The following FGF14 variants were observed in gnomAD, a reference collection of about 807,000 sequenced individuals.
FGF14 encodes fibroblast growth factor homologous factor 4.
A neutral mutation model predicts 25.5 loss-of-function variants in FGF14; 5 were observed. The observed-to-expected ratio is 0.20, with a 90% CI of 0.10 to 0.41. FGF14 has a LOEUF of 0.41. Ranked by LOEUF, FGF14 falls within the 10% of genes least tolerant of loss-of-function variation. The pLI is 1.00. For missense variants in FGF14, 222 were observed against 320.1 expected, an observed-to-expected ratio of 0.69 and a Z score of 2.34; for synonymous variants, 138 against 118.3, an observed-to-expected ratio of 1.17 and a Z score of -1.08.
rs370783399 is a variant in FGF14, at chr13:102,365,867, T to C, written c.208+35604A>G. ...AAAATTTGTATATGTGAATATAATA[T>C]ATAGTCACTATTTCCCTGACTTGGC... On this transcript the variant is annotated intron_variant, in intron 1 of 4. Transcript: ENST00000376131. 9.8e-5 allele frequency among the ~76,000 whole-genome samples: 15 copies of C among 152,332 alleles called. No homozygotes were observed. The East Asian group carries it at 1.5e-3, about 16-fold the overall frequency.
At chr13:101,902,889 T>C (rs2031749460) in intron 1 of FGF14, among the ~76,000 whole-genome samples, 2 of 152,210 alleles carry the variant, frequency 1.3e-5, no homozygotes, top group South Asian at 4.1e-4. Flanking sequence ...GTTTGAATAA[T>C]GCAACTTATT....
chr13:102,202,075 T>A lies in FGF14; in HGVS notation c.208+199396A>T, dbSNP rs1335978376. 2.6e-5 allele frequency among the ~76,000 whole-genome samples: 4 copies of A among 152,174 alleles called. No homozygotes were observed. In the East Asian group the frequency reaches 7.7e-4, roughly 29 times the overall value. On this transcript the variant is annotated intron_variant, in intron 1 of 4. Transcript: ENST00000376131. ...ATCTCTTTTCCTCCTGCTCCTGCCATGTGAAGTGCTGCCTCCCCCTTCGCC... is the reference window on the plus strand; with the variant it reads ...ATCTCTTTTCCTCCTGCTCCTGCCAAGTGAAGTGCTGCCTCCCCCTTCGCC...
intron 1 of FGF14, among the ~76,000 whole-genome samples, chr13:102,191,421 G>A (rs2049119191): frequency 6.6e-6 from 1 of 152,086 alleles, no homozygotes; most frequent in South Asian, 2.1e-4. Context: ...CTCTTTTTCA[G>A]GCTTCTTTCT....
chr13:101,791,000 A>G (rs559723389), intron 3 of FGF14, among the ~76,000 whole-genome samples: 2 of 152,320 alleles, frequency 1.3e-5, no homozygotes, highest in South Asian at 4.1e-4. Flanking sequence ...AATAAGTCAG[A>G]TGAAGTAAAG....
At chr13:102,134,894 TA>T (rs1261275148) in intron 1 of FGF14, among the ~76,000 whole-genome samples, 1 of 152,098 alleles carries the variant, frequency 6.6e-6, no homozygotes, top group African/African-American at 2.4e-5. Flanking sequence ...TTCTTTGAAC[TA>T]AAAATCAGCC....
intron 3 of FGF14, among the ~76,000 whole-genome samples, chr13:101,789,949 C>T (rs2040137132): frequency 6.6e-6 from 1 of 150,944 alleles, no homozygotes; most frequent in Non-Finnish European, 1.5e-5. Context: ...TTTTTTTCTT[C>T]ATTGCAAATA....
At chr13:101,814,905 T>C (rs762209437) in intron 3 of FGF14, among the ~76,000 whole-genome samples, 6 of 152,152 alleles carry the variant, frequency 3.9e-5, no homozygotes, top group African/African-American at 1.2e-4. Flanking sequence ...AAAGTATTAA[T>C]TGGCAGTCAG....
chr13:102,161,311 A>G (rs929757063), intron 1 of FGF14, among the ~76,000 whole-genome samples: 1 of 152,014 alleles, frequency 6.6e-6, no homozygotes, highest in East Asian at 1.9e-4. Flanking sequence ...TCCTCCCTCT[A>G]AACAATGAAT....
chr13:101,870,348 T>G (rs1476241598), intron 2 of FGF14, among the ~76,000 whole-genome samples: 1 of 152,132 alleles, frequency 6.6e-6, no homozygotes, highest in Non-Finnish European at 1.5e-5. Context: ...CACCATAGAA[T>G]AATTCCTGAT....
chr13:101,909,687 T>C (rs2032680525), intron 1 of FGF14, among the ~76,000 whole-genome samples: 1 of 152,208 alleles, frequency 6.6e-6, no homozygotes, highest in Non-Finnish European at 1.5e-5. Context: ...AGTGTGGCGA[T>C]TCCTCAGGGA....
intron 1 of FGF14, among the ~76,000 whole-genome samples, chr13:101,936,473 C>T (rs187331661): frequency 2.0e-4 from 30 of 152,304 alleles, no homozygotes; most frequent in Admixed American, 1.8e-3. Context: ...CAGTATCAGC[C>T]TTCCAACTTT....
At chr13:101,902,848 T>G (rs111776238) in intron 1 of FGF14, among the ~76,000 whole-genome samples, 1 of 152,206 alleles carries the variant, frequency 6.6e-6, no homozygotes, top group African/African-American at 2.4e-5. Flanking sequence ...AGGAGGCACT[T>G]TTAATAAAAA....
chr13:102,188,291 A>G (rs987544107), intron 1 of FGF14, among the ~76,000 whole-genome samples: 2 of 152,216 alleles, frequency 1.3e-5, no homozygotes, highest in African/African-American at 4.8e-5. Flanking sequence ...GGAAAAAAAC[A>G]ATTTCAACAG....
At chr13:101,818,792 C>T (rs549441396) in intron 3 of FGF14, among the ~76,000 whole-genome samples, 62 of 152,268 alleles carry the variant, frequency 4.1e-4, no homozygotes, top group Non-Finnish European at 6.9e-4. Flanking sequence ...GGAAGCAGAA[C>T]GTGAACCTTT....
intron 1 of FGF14, among the ~76,000 whole-genome samples, chr13:102,321,522 G>A (rs1277206216): frequency 6.6e-6 from 1 of 151,916 alleles, no homozygotes; most frequent in Non-Finnish European, 1.5e-5. Flanking sequence ...GCTAATTATT[G>A]GAAATTTTTG....
At chr13:102,259,442 T>G (rs1485152184) in intron 1 of FGF14, among the ~76,000 whole-genome samples, 1 of 152,232 alleles carries the variant, frequency 6.6e-6, no homozygotes, top group East Asian at 1.9e-4. Flanking sequence ...TCTTCCCTTA[T>G]AAAAACTTCC....
chr13:102,076,673 T>A (rs966667097), intron 1 of FGF14, among the ~76,000 whole-genome samples: 1 of 152,092 alleles, frequency 6.6e-6, no homozygotes, highest in Non-Finnish European at 1.5e-5. Context: ...AATAAATCCA[T>A]GAACATGGAT....
chr13:101,957,840 T>A (rs929284927), intron 1 of FGF14, among the ~76,000 whole-genome samples: 1 of 152,128 alleles, frequency 6.6e-6, no homozygotes, highest in Non-Finnish European at 1.5e-5. Flanking sequence ...ATCCACGTTA[T>A]ATATGATCAC....
chr13:101,927,333 C>T (rs904881903), intron 1 of FGF14, among the ~76,000 whole-genome samples: 4 of 152,144 alleles, frequency 2.6e-5, no homozygotes, highest in Non-Finnish European at 4.4e-5. Flanking sequence ...ATAAACTGTC[C>T]AAACACAAAT....
Sources: allele counts gnomAD v4.1 joint callset (sites outside exome capture counted in the v4.1 genomes callset), GRCh38; gene constraint gnomAD v4.1.1; transcripts MANE v1.5; gene names NCBI Gene and HGNC (gene_info 2026-07-23, HGNC 2026-07-21).